The following WDR33 variants were observed in gnomAD, a reference collection of about 807,000 sequenced individuals.
WDR33 encodes WD repeat domain 33.
A neutral mutation model predicts 164.9 loss-of-function variants in WDR33; 47 were observed. That is an observed-to-expected ratio of 0.29 (90% CI 0.23 to 0.36). The LOEUF is 0.36. WDR33 is among the 10% of genes least tolerant of loss of function. The pLI is 1.00. For missense variants in WDR33, 1,137 were observed against 1,754.1 expected (o/e 0.65, Z 6.28); for synonymous variants, 505 against 589.0 (o/e 0.86, Z 2.06).
chr2:127,750,650 T>TAA (rs1174539929), intron 7 of WDR33, among the ~76,000 whole-genome samples: 272 of 14,948 alleles, frequency 0.018, 61 homozygotes, highest in Non-Finnish European at 0.027. Context: ...AACTCCATCT[T>TAA]AAAAAAAAAA....
chr2:127,768,480 A>G lies in WDR33; in HGVS notation c.274-187T>C, dbSNP rs10194983. ...TAAGTGAAGAAAAGTGAGATACAGG[A>G]AAGTTAAATACCCATTATTACTAAA... On this transcript the variant is annotated intron_variant, in intron 3 of 21. Coordinates refer to ENST00000322313, the MANE Select transcript of WDR33 (RefSeq NM_018383.5). 7.0e-3 allele frequency among the ~76,000 whole-genome samples: 1,070 copies of G among 152,312 alleles called. 10 individuals carry two copies. Among genetic ancestry groups the G allele is most frequent in the African/African-American group, 0.024 (1,017 of 41,570 alleles).
Position 127,719,510 on chromosome 2 carries a change from G to C in WDR33, c.2515C>G (p.Pro839Ala), listed in dbSNP as rs61730415. Residue 839 changes from proline to alanine, a missense_variant, in exon 16 of 22, where the codon CCT becomes GCT. Transcript: ENST00000322313. This position sits in a 1 kb window ranked among gnomAD's most constrained non-coding sequence, Gnocchi z 6.5. ...CCCAGCATTGATCCTTGGGGTGGAG[G>C]CCCCTGCATGCCTCGGATCTCCTGA... ...GPQEIRGMQGPPPQGSMLGPP... is the reference protein window; with the variant it reads ...GPQEIRGMQGAPPQGSMLGPP... 130,136 of 1,612,576 alleles carry C rather than the reference G, an allele frequency of 0.081. 5,574 individuals carry two copies. Among genetic ancestry groups the C allele is most frequent in the Non-Finnish European group, 0.089 (104,874 of 1,179,160 alleles).
chr2:127,809,775 G>A (rs1010375031), intron 1 of WDR33, among the ~76,000 whole-genome samples: 2 of 152,054 alleles, frequency 1.3e-5, no homozygotes, highest in African/African-American at 4.8e-5. Flanking sequence ...TAGGAGTACA[G>A]GAAAGACAAG....
intron 1 of WDR33, among the ~76,000 whole-genome samples, chr2:127,805,380 C>T (rs1689399148): frequency 6.6e-6 from 1 of 151,968 alleles, no homozygotes; most frequent in Non-Finnish European, 1.5e-5. Flanking sequence ...GCGCACCTGG[C>T]CTCTATGAAG....
chr2:127,747,873 G>C (rs1687211425), intron 7 of WDR33, among the ~76,000 whole-genome samples: 2 of 152,168 alleles, frequency 1.3e-5, no homozygotes, highest in South Asian at 4.1e-4. Flanking sequence ...TTCAAGCTAA[G>C]CCTTGGTGTT....
chr2:127,708,023 G>A lies in WDR33; in HGVS notation c.3781+654C>T, dbSNP rs754692977. On this transcript the variant is annotated intron_variant, in intron 21 of 21. Coordinates refer to ENST00000322313, the MANE Select transcript of WDR33 (RefSeq NM_018383.5). The surrounding 1 kb of genome is among the most constrained non-coding windows in gnomAD (Gnocchi z 6.7). Reference sequence around the variant, plus strand: ...CAGACAGGCCAACTTCAGGAGCAGAGCACAAGCTGGGGCATGCGGGGAGCA... The same window carrying A: ...CAGACAGGCCAACTTCAGGAGCAGAACACAAGCTGGGGCATGCGGGGAGCA... 1.4e-4 allele frequency among the ~76,000 whole-genome samples: 21 copies of A among 152,224 alleles called. No individual in the cohort carries two copies. Among genetic ancestry groups the A allele is most frequent in the Non-Finnish European group, 2.5e-4 (17 of 68,044 alleles).
In WDR33 at chr2:127,763,014, A is replaced by C; in HGVS notation, c.724+48T>G. 6.2e-7 allele frequency: 1 copy of C among 1,612,670 alleles called. No individual in the cohort carries two copies. Among genetic ancestry groups the C allele is most frequent in the African/African-American group, 1.3e-5 (1 of 75,032 alleles). On this transcript the variant is annotated intron_variant, in intron 7 of 21. Transcript: ENST00000322313. This position sits in a 1 kb window ranked among gnomAD's most constrained non-coding sequence, Gnocchi z 4.5. ...TGGTTTTGTGATGATTTAACCACAA[A>C]TGTCTTCCCTATTTAAATATTCCAA... is the stretch of plus-strand genomic sequence containing the variant.
Position 127,708,563 on chromosome 2 carries a change from T to G in WDR33, c.3781+114A>C. On this transcript the variant is annotated intron_variant, in intron 21 of 21. Coordinates refer to ENST00000322313, the MANE Select transcript of WDR33 (RefSeq NM_018383.5). The surrounding 1 kb of genome is among the most constrained non-coding windows in gnomAD (Gnocchi z 6.7). ...GCTCGTGTGGCACTGGCACCACATTTAGGAGCATGTGCCTCTGCACAGCCC... is the reference window on the plus strand; with the variant it reads ...GCTCGTGTGGCACTGGCACCACATTGAGGAGCATGTGCCTCTGCACAGCCC... 1 of 1,198,846 alleles carries G rather than the reference T, an allele frequency of 8.3e-7. No homozygotes were observed. The allele number at this position is 1,198,846 out of a possible 1,614,324, so 74.3% of individuals were successfully genotyped here. A position where few individuals can be genotyped will look rare whatever the true frequency, so the allele number is the denominator to read the frequency against.
intron 2 of WDR33, among the ~76,000 whole-genome samples, chr2:127,769,305 T>C (rs962643418): frequency 6.6e-6 from 1 of 151,940 alleles, no homozygotes; most frequent in Non-Finnish European, 1.5e-5. Context: ...CTGGCCAACA[T>C]GGTGAAACCC....
chr2:127,709,607 G>A lies in WDR33; in HGVS notation c.3473-25C>T. On this transcript the variant is annotated intron_variant, in intron 19 of 21. Transcript: ENST00000322313. This position sits in a 1 kb window ranked among gnomAD's most constrained non-coding sequence, Gnocchi z 5.0. Reference sequence around the variant, plus strand: ...CCTACACAACAGAGCAAACAATGCTGCACTCAGACTGTTCCTGGTGTATTC... The same window carrying A: ...CCTACACAACAGAGCAAACAATGCTACACTCAGACTGTTCCTGGTGTATTC... 1 of 1,612,074 alleles carries A rather than the reference G, an allele frequency of 6.2e-7. No individual in the cohort carries two copies. Among genetic ancestry groups the A allele is most frequent in the Non-Finnish European group, 8.5e-7 (1 of 1,178,220 alleles).
Position 127,737,521 on chromosome 2 carries a change from A to C in WDR33, c.725-10744T>G, listed in dbSNP as rs567429400. The C allele has an allele frequency of 6.0e-5, 59 of 986,220 alleles. No individual in the cohort carries two copies. In the African/African-American group the frequency reaches 8.9e-4, roughly 15 times the overall value. 61.1% of individuals were successfully genotyped at this position (986,220 alleles called of 1,614,324 possible). ...CTAGAAAAGTGCAAAAAGAAAAAGAAAAGACATTCAAAAGATTGATGGGAG... is the reference window on the plus strand; with the variant it reads ...CTAGAAAAGTGCAAAAAGAAAAAGACAAGACATTCAAAAGATTGATGGGAG... On this transcript the variant is annotated intron_variant, in intron 7 of 21. Coordinates refer to ENST00000322313, the MANE Select transcript of WDR33 (RefSeq NM_018383.5).
intron 7 of WDR33, among the ~76,000 whole-genome samples, chr2:127,744,928 G>A (rs759341962): frequency 4.6e-5 from 7 of 152,012 alleles, no homozygotes; most frequent in African/African-American, 1.7e-4. Flanking sequence ...CATGACTGAT[G>A]AAAAAAATGC....
chr2:127,780,065 C>G (rs991576837), intron 1 of WDR33, among the ~76,000 whole-genome samples: 1 of 151,542 alleles, frequency 6.6e-6, no homozygotes, highest in Non-Finnish European at 1.5e-5. Context: ...GCTCCGCCTC[C>G]CGGGTTCACG....
Position 127,712,596 on chromosome 2 carries a change from AT to A in WDR33, c.3308+986del, listed in dbSNP as rs1211962855. ...GCATAAGATGCTGACAGTCGCACCTATCTCACAAATTCTTTAAATAAAATGA... is the reference window on the plus strand; with the variant it reads ...GCATAAGATGCTGACAGTCGCACCTACTCACAAATTCTTTAAATAAAATGA... On this transcript the variant is annotated intron_variant, in intron 18 of 21. Coordinates refer to ENST00000322313, the MANE Select transcript of WDR33 (RefSeq NM_018383.5). This position sits in a 1 kb window ranked among gnomAD's most constrained non-coding sequence, Gnocchi z 4.0. Among the ~76,000 whole-genome samples, 1 of 152,226 alleles carries A rather than the reference AT, an allele frequency of 6.6e-6. No homozygotes were observed. The highest frequency in any genetic ancestry group is 1.5e-5 in the Non-Finnish European group (1 of 68,036).
At chr2:127,762,317 T>C (rs1687701552) in intron 7 of WDR33, among the ~76,000 whole-genome samples, 1 of 152,198 alleles carries the variant, frequency 6.6e-6, no homozygotes, top group Admixed American at 6.5e-5. Flanking sequence ...CAGTTAGAAG[T>C]GTCTTTGTTG....
intron 8 of WDR33, among the ~76,000 whole-genome samples, chr2:127,725,890 A>T (rs1176642693): frequency 6.6e-6 from 1 of 152,154 alleles, no homozygotes; most frequent in African/African-American, 2.4e-5. Flanking sequence ...AAACTTCCAT[A>T]AAGTTTCTCT....
At position 127,738,773 on chromosome 2, in the gene WDR33, G is replaced by T. The variant is rs1269362236; in HGVS notation, c.725-11996C>A. 6.6e-6 allele frequency among the ~76,000 whole-genome samples: 1 copy of T among 152,178 alleles called. No homozygotes were observed. Among genetic ancestry groups the T allele is most frequent in the Non-Finnish European group, 1.5e-5 (1 of 68,036 alleles). On this transcript the variant is annotated intron_variant, in intron 7 of 21. Transcript: ENST00000322313. The surrounding 1 kb of genome is among the most constrained non-coding windows in gnomAD (Gnocchi z 4.4). ...CTCATCAACACACTAGCTGCAAGAAGAGAGTGGGGCTACTCAGGGCACACT... is the reference window on the plus strand; with the variant it reads ...CTCATCAACACACTAGCTGCAAGAATAGAGTGGGGCTACTCAGGGCACACT...
chr2:127,751,115 C>G (rs544652384), intron 7 of WDR33, among the ~76,000 whole-genome samples: 45 of 152,000 alleles, frequency 3.0e-4, no homozygotes, highest in African/African-American at 1.0e-3. Context: ...AATCTCAGTA[C>G]TTTGGAAGGC....
chr2:127,711,385 A>G (rs1389668152), intron 18 of WDR33, among the ~76,000 whole-genome samples: 1 of 147,594 alleles, frequency 6.8e-6, no homozygotes, highest in African/African-American at 2.5e-5. Flanking sequence ...AGATCATGCC[A>G]CTGCACTCCA....
Sources: gnomAD v4.1 joint callset for allele counts (sites outside exome capture counted in the v4.1 genomes callset) on GRCh38, gnomAD v4.1.1 for gene constraint, Gnocchi (gnomAD v3.1) non-coding constraint, MANE v1.5 for transcripts, NCBI Gene and HGNC (gene_info 2026-07-23, HGNC 2026-07-21) for gene names.